Variants in CADPS observed in about 807,000 individuals in gnomAD.
CADPS encodes the protein calcium dependent secretion activator, also known as calcium-dependent secretion activator 1.
CADPS carries 57 observed loss-of-function variants against 167.3 expected under a neutral mutation model. That is an observed-to-expected ratio of 0.34 (90% CI 0.28 to 0.42). CADPS has a LOEUF of 0.42. Among genes scored for constraint, CADPS ranks in the 20% least tolerant of loss-of-function variants. The pLI is 1.00. For missense variants in CADPS, 1,414 were observed against 1,738.1 expected (o/e 0.81, Z 3.32); for synonymous variants, 676 against 635.3 (o/e 1.06, Z -0.96).
chr3:62,818,455 T>C (rs1267312217), intron 1 of CADPS, among the ~76,000 whole-genome samples: 3 of 152,090 alleles, frequency 2.0e-5, no homozygotes, highest in African/African-American at 7.2e-5. Context: ...TCCACATCAA[T>C]AGGTATCAGG....
chr3:62,736,099 T>C (rs2152234753), intron 3 of CADPS, among the ~76,000 whole-genome samples: 1 of 152,276 alleles, frequency 6.6e-6, no homozygotes, highest in East Asian at 1.9e-4. Context: ...GGTTGACAGG[T>C]TGGGTTCAAG....
rs1415134254 is a variant in CADPS at position 62,474,219 on chromosome 3, G to C, written c.3431C>G (p.Ala1144Gly). The change falls in exon 24 of 30, where the codon GCC becomes GGC. Residue 1144 changes from alanine (A) to glycine (G), a missense_variant. Ala to Gly is a moderately conservative substitution (Grantham distance 60). Transcript: ENST00000383710. ...ICTMFNVMVD[A>G]KAQSTKLCSM... ...GCAAAGTTTTGTTGATTGAGCTTTG[G>C]CATCAACCATAACATTAAACATGGT... The C allele has an allele frequency of 7.0e-7, 1 of 1,432,504 alleles. No homozygotes were observed. 88.7% of individuals were successfully genotyped at this position (1,432,504 alleles called of 1,614,324 possible).
intron 2 of CADPS, among the ~76,000 whole-genome samples, chr3:62,765,298 T>C (rs17067161): frequency 0.098 from 14,972 of 152,226 alleles, 895 homozygotes; most frequent in East Asian, 0.25. Context: ...AATTTACCTG[T>C]AATACATACT....
chr3:62,569,546 A>G (rs997875012), intron 9 of CADPS, among the ~76,000 whole-genome samples: 17 of 152,244 alleles, frequency 1.1e-4, no homozygotes, highest in African/African-American at 3.6e-4. Flanking sequence ...ATTTTGCCTT[A>G]GCGGCACAGC....
At chr3:62,786,893 T>C (rs2092489061) in intron 1 of CADPS, among the ~76,000 whole-genome samples, 1 of 152,200 alleles carries the variant, frequency 6.6e-6, no homozygotes, top group African/African-American at 2.4e-5. Context: ...AGTTGGTGGG[T>C]AGAATTGAAA....
At chr3:62,648,205 T>A (rs1345967546) in intron 5 of CADPS, among the ~76,000 whole-genome samples, 1 of 152,200 alleles carries the variant, frequency 6.6e-6, no homozygotes, top group African/African-American at 2.4e-5. Context: ...GCTGGCAGTT[T>A]TCTATGATGT....
chr3:62,836,800 T>C lies in CADPS; in HGVS notation c.441+37789A>G, dbSNP rs910018911. ...TGGGCTTTGAGACCAATCCTGGAACTTTCCTTTCGCCCACCCCCCGTTGTC... is the reference window on the plus strand; with the variant it reads ...TGGGCTTTGAGACCAATCCTGGAACCTTCCTTTCGCCCACCCCCCGTTGTC... On this transcript the variant is annotated intron_variant, in intron 1 of 29. Transcript: ENST00000383710. Among the ~76,000 whole-genome samples, 5 of 152,134 alleles carry C rather than the reference T, an allele frequency of 3.3e-5. No homozygotes were observed. In the East Asian group the frequency reaches 9.6e-4, roughly 29 times the overall value.
At chr3:62,619,704 C>G (rs749941321) in intron 6 of CADPS, among the ~76,000 whole-genome samples, 1 of 152,076 alleles carries the variant, frequency 6.6e-6, no homozygotes, top group African/African-American at 2.4e-5. Context: ...ATGTCCCATC[C>G]GCCTCTTTGG....
At chr3:62,560,954 C>A (rs935522685) in intron 9 of CADPS, among the ~76,000 whole-genome samples, 3 of 151,748 alleles carry the variant, frequency 2.0e-5, no homozygotes, top group African/African-American at 7.3e-5. Context: ...CGGCAGACTC[C>A]TGTAATCTCA....
chr3:62,718,376 G>A (rs1348689971), intron 3 of CADPS, among the ~76,000 whole-genome samples: 6 of 152,172 alleles, frequency 3.9e-5, no homozygotes, highest in African/African-American at 9.7e-5. Flanking sequence ...CTGAAGCTAC[G>A]TAGGTCAAAC....
intron 3 of CADPS, among the ~76,000 whole-genome samples, chr3:62,673,874 T>C (rs1249547658): frequency 2.6e-5 from 4 of 152,162 alleles, no homozygotes; most frequent in Non-Finnish European, 5.9e-5. Context: ...TTAAGCAGCA[T>C]CAAGTCATGG....
intron 3 of CADPS, among the ~76,000 whole-genome samples, chr3:62,710,445 T>C (rs1306776913): frequency 6.6e-6 from 1 of 152,074 alleles, no homozygotes; most frequent in Non-Finnish European, 1.5e-5. Context: ...TTACCGAACC[T>C]CTCCATGCTT....
intron 1 of CADPS, among the ~76,000 whole-genome samples, chr3:62,787,537 A>T (rs1450971736): frequency 1.3e-5 from 2 of 152,200 alleles, no homozygotes; most frequent in African/African-American, 4.8e-5. Context: ...GTACACTTTT[A>T]TCTATATTTT....
rs1043378268 is a variant in CADPS, at chr3:62,446,664, C to T, written c.3637-867G>A. ...AATACAGAACAAATGGCAGCTAAGA[C>T]GATGAATTCATAAGCAAATGTGGGT... On this transcript the variant is annotated intron_variant, in intron 26 of 29. Coordinates refer to ENST00000383710, the MANE Select transcript of CADPS (RefSeq NM_003716.4). The surrounding 1 kb of genome is among the most constrained non-coding windows in gnomAD (Gnocchi z 4.9). 1.3e-5 allele frequency among the ~76,000 whole-genome samples: 2 copies of T among 152,126 alleles called. No homozygotes were observed. The highest frequency in any genetic ancestry group is 4.8e-5 in the African/African-American group (2 of 41,404).
chr3:62,583,391 G>A (rs1289283243), intron 8 of CADPS, among the ~76,000 whole-genome samples: 4 of 152,152 alleles, frequency 2.6e-5, no homozygotes, highest in Non-Finnish European at 5.9e-5. Context: ...CACGAATATT[G>A]TCAGAATATA....
In CADPS at chr3:62,400,589, CT is replaced by C. The variant is rs1165722852; in HGVS notation, c.3883-1005del. The stretch of plus-strand genomic sequence containing the variant: ...GTCAACACCACTCCCATCATTCTTT[CT>C]TTTTTTTTTTCTTTTTTTTTTTTTT... On this transcript the variant is annotated intron_variant, in intron 29 of 29. Transcript: ENST00000383710. Among the ~76,000 whole-genome samples, 625 of 73,616 alleles carry C rather than the reference CT, an allele frequency of 8.5e-3. 5 individuals are homozygous for C. The highest frequency in any genetic ancestry group is 0.025 in the African/African-American group (542 of 21,482). 48.3% of individuals were successfully genotyped at this position (73,616 alleles called of 152,430 possible). A position where few individuals can be genotyped will look rare whatever the true frequency, so the allele number is the denominator to read the frequency against.
At chr3:62,797,432 C>G (rs1559669209) in intron 1 of CADPS, among the ~76,000 whole-genome samples, 1 of 152,114 alleles carries the variant, frequency 6.6e-6, no homozygotes, top group African/African-American at 2.4e-5. Flanking sequence ...AACTCTCACT[C>G]CACTTCATCT....
rs538802760 is a variant in CADPS at position 62,632,777 on chromosome 3, T to A, written c.1325+12945A>T. Among the ~76,000 whole-genome samples the A allele has an allele frequency of 2.6e-5, 4 of 152,096 alleles. No homozygotes were observed. The South Asian group carries it at 6.2e-4, about 24-fold the overall frequency. On this transcript the variant is annotated intron_variant, in intron 6 of 29. Coordinates refer to ENST00000383710, the MANE Select transcript of CADPS (RefSeq NM_003716.4). ...CTAGAAGGGGAAGGGAATGCGTTTA[T>A]TTTTTTTGGTTAGGTGTCAATGTCA...
intron 2 of CADPS, among the ~76,000 whole-genome samples, chr3:62,763,556 T>G (rs755934085): frequency 1.4e-4 from 22 of 152,040 alleles, no homozygotes; most frequent in Non-Finnish European, 2.5e-4. Context: ...GAGTCCTGAC[T>G]AAGACAGGGG....
Sources: gnomAD v4.1 joint callset for allele counts (sites outside exome capture counted in the v4.1 genomes callset) on GRCh38, gnomAD v4.1.1 for gene constraint, Gnocchi (gnomAD v3.1) non-coding constraint, MANE v1.5 for transcripts, NCBI Gene and HGNC (gene_info 2026-07-23, HGNC 2026-07-21) for gene names.